The following TAS1R1 variants were observed in gnomAD, a reference collection of about 807,000 sequenced individuals.
TAS1R1 encodes the protein taste receptor type 1 member 1.
TAS1R1 carries 31 observed loss-of-function variants against 45.8 expected under a neutral mutation model. The observed-to-expected ratio is 0.68, with a 90% CI of 0.51 to 0.91. TAS1R1 has a LOEUF of 0.91. TAS1R1 is among the 40% of genes least tolerant of loss of function. The pLI is 0.00. For synonymous variants in TAS1R1, 437 were observed against 448.4 expected (o/e 0.97, Z 0.32); for missense variants, 1,051 against 1,063.9 (o/e 0.99, Z 0.17).
Position 6,576,566 on chromosome 1 carries a change from G to T in TAS1R1, c.1412G>T (p.Trp471Leu). 6.2e-7 allele frequency: 1 copy of T among 1,614,226 alleles called. No homozygotes were observed. The highest frequency in any genetic ancestry group is 1.3e-5 in the African/African-American group (1 of 75,058). ...WTFTVLGSST[W>L]SPVQLNINET... ...TTCACGGTCCTCGGTTCCTCCACATGGTCTCCAGTTCAGCTAAACATAAAT... is the reference window on the plus strand; with the variant it reads ...TTCACGGTCCTCGGTTCCTCCACATTGTCTCCAGTTCAGCTAAACATAAAT... The change falls in exon 4 of 6, where the codon TGG becomes TTG. Residue 471 changes from tryptophan (W) to leucine (L), a missense_variant. Coordinates refer to ENST00000333172, the MANE Select transcript of TAS1R1 (RefSeq NM_138697.4).
At chr1:6,561,235 G>A (rs1195379998) in intron 1 of TAS1R1, among the ~76,000 whole-genome samples, 2 of 152,220 alleles carry the variant, frequency 1.3e-5, no homozygotes, top group East Asian at 3.8e-4. Context: ...CTGGGGCCAG[G>A]AGTCTGAAAG....
rs567380715 is a variant in TAS1R1, at chr1:6,571,328, G to C, written c.498+113G>C. ...GCTGCCTGCCCCCTGGATCTCTTGGGTGGTCACTGCTCTTTAGTCACAAGT... is the reference window on the plus strand; with the variant it reads ...GCTGCCTGCCCCCTGGATCTCTTGGCTGGTCACTGCTCTTTAGTCACAAGT... On this transcript the variant is annotated intron_variant, in intron 2 of 5. Transcript: ENST00000333172. 1.0e-5 allele frequency: 12 copies of C among 1,174,300 alleles called. No individual in the cohort carries two copies. In the African/African-American group the frequency reaches 1.2e-4, roughly 12 times the overall value. 72.7% of individuals were successfully genotyped at this position (1,174,300 alleles called of 1,614,324 possible).
chr1:6,578,354 G>A (rs889203293), intron 5 of TAS1R1, among the ~76,000 whole-genome samples: 2 of 152,140 alleles, frequency 1.3e-5, no homozygotes, highest in African/African-American at 2.4e-5. Context: ...CCATCAGATC[G>A]TAACCTCTCT....
At position 6,566,445 on chromosome 1, in the gene TAS1R1, C is replaced by T. The variant is rs114600349; in HGVS notation, c.192-4464C>T. Among the ~76,000 whole-genome samples the T allele has an allele frequency of 2.6e-3, 388 of 152,030 alleles. 4 individuals carry two copies. The highest frequency in any genetic ancestry group is 9.2e-3 in the African/African-American group (381 of 41,434). On this transcript the variant is annotated intron_variant, in intron 1 of 5. Coordinates refer to ENST00000333172, the MANE Select transcript of TAS1R1 (RefSeq NM_138697.4). ...AATGGCTTGGAGGTCTTGAACGAGTCAATATGAGCCATCTGATTTTTTAAT... is the reference window on the plus strand; with the variant it reads ...AATGGCTTGGAGGTCTTGAACGAGTTAATATGAGCCATCTGATTTTTTAAT...
At position 6,575,028 on chromosome 1, in the gene TAS1R1, C is replaced by T; in HGVS notation, c.896C>T (p.Ala299Val). The stretch of plus-strand genomic sequence containing the variant: ...AACCTGACTGGCAAGGTGTGGGTCG[C>T]CTCAGAAGCCTGGGCCCTCTCCAGG... ...LTNLTGKVWV[A>V]SEAWALSRHI... is the part of the protein sequence containing the mutation. The change falls in exon 3 of 6, where the codon GCC becomes GTC. Residue 299 changes from alanine to valine, a missense_variant. By Grantham distance (64) the Ala-to-Val change is moderately conservative (BLOSUM62 0). Transcript: ENST00000333172. The T allele has an allele frequency of 6.3e-7, 1 of 1,585,944 alleles. No individual in the cohort carries two copies. Among genetic ancestry groups the T allele is most frequent in the Non-Finnish European group, 8.6e-7 (1 of 1,164,450 alleles).
rs917362941 is a variant in TAS1R1 at position 6,573,872 on chromosome 1, C to T, written c.499-759C>T. ...TAGAGACGGGGTTTCACCGTGTTAG[C>T]CAGGCTGGTCGCAAACTCCTAACCT... On this transcript the variant is annotated intron_variant, in intron 2 of 5. Coordinates refer to ENST00000333172, the MANE Select transcript of TAS1R1 (RefSeq NM_138697.4). Among the ~76,000 whole-genome samples the T allele has an allele frequency of 4.7e-4, 72 of 152,160 alleles. 1 individual carries two copies. Among genetic ancestry groups the T allele is most frequent in the Admixed American group, 1.8e-3 (27 of 15,266 alleles).
intron 5 of TAS1R1, among the ~76,000 whole-genome samples, chr1:6,578,273 A>G (rs1640240115): frequency 6.6e-6 from 1 of 152,210 alleles, no homozygotes; most frequent in Non-Finnish European, 1.5e-5. Flanking sequence ...GCAGCAGCTC[A>G]GGAAAGTGGT....
At position 6,571,099 on chromosome 1, in the gene TAS1R1, G is replaced by A; in HGVS notation, c.382G>A (p.Glu128Lys). 1 of 1,614,118 alleles carries A rather than the reference G, an allele frequency of 6.2e-7. No individual in the cohort carries two copies. The highest frequency in any genetic ancestry group is 8.5e-7 in the Non-Finnish European group (1 of 1,179,980). Residue 128 changes from glutamate to lysine, a missense_variant, in exon 2 of 6, where the codon GAG becomes AAG. Physicochemically the swap from Glu to Lys is moderately conservative, Grantham distance 56. Transcript: ENST00000333172. The part of the protein sequence containing the change: ...VLSLPGQHHI[E>K]LQGDLLHYSP... ...CTCCCTGCCAGGGCAACACCACATA[G>A]AGCTCCAAGGAGACCTTCTCCACTA...
rs560288110 is a variant in TAS1R1 at position 6,577,058 on chromosome 1, C to A, written c.1582C>A (p.Leu528Ile). 2 of 1,614,082 alleles carry A rather than the reference C, an allele frequency of 1.2e-6. No individual in the cohort carries two copies. Among genetic ancestry groups the A allele is most frequent in the South Asian group, 2.2e-5 (2 of 91,094 alleles). ...ECVPCGAGTF[L>I]NKSDLYRCQP... ...TGTGCCCTGTGGGGCTGGGACCTTCCTCAACAAGAGTGGTGAGTGGGCAAT... is the reference window on the plus strand; with the variant it reads ...TGTGCCCTGTGGGGCTGGGACCTTCATCAACAAGAGTGGTGAGTGGGCAAT... Residue 528 changes from leucine (L) to isoleucine (I), a missense_variant, in exon 5 of 6, where the codon CTC becomes ATC. Transcript: ENST00000333172.
intron 1 of TAS1R1, among the ~76,000 whole-genome samples, chr1:6,555,866 C>CTTTTTTTTTTTTTTTTTTTTTTTTT (rs770363613): frequency 1.0e-5 from 1 of 95,304 alleles, no homozygotes; most frequent in African/African-American, 3.6e-5. Context: ...TTTCCCTCTT[C>CTTTTTTTTTTTTTTTTTTTTTTTTT]TTTTTTTTTT....
intron 1 of TAS1R1, among the ~76,000 whole-genome samples, chr1:6,558,036 GTTT>G (rs779773064): frequency 1.2e-4 from 17 of 140,822 alleles, no homozygotes; most frequent in African/African-American, 4.8e-4. Flanking sequence ...GTAGTGGTTA[GTTT>G]TTGTTTTTGT....
At position 6,579,078 on chromosome 1, in the gene TAS1R1, G is replaced by T. The variant is rs750729837; in HGVS notation, c.2020G>T (p.Val674Phe). ...GGTACCTACATTCTACCACGCCTGG[G>T]TCCAAAACCACGGTGCTGGCCTGTT... ...TKVPTFYHAW[V>F]QNHGAGLFVM... Residue 674 changes from valine (V) to phenylalanine (F), a missense_variant, in exon 6 of 6, where the codon GTC becomes TTC. Val to Phe is a conservative substitution (Grantham distance 50). Transcript: ENST00000333172. 6.2e-7 allele frequency: 1 copy of T among 1,613,648 alleles called. No homozygotes were observed. The highest frequency in any genetic ancestry group is 1.3e-5 in the African/African-American group (1 of 74,964).
At chr1:6,568,913 A>T (rs1455094146) in intron 1 of TAS1R1, among the ~76,000 whole-genome samples, 1 of 152,214 alleles carries the variant, frequency 6.6e-6, no homozygotes, top group South Asian at 2.1e-4. Context: ...TATCGGGATC[A>T]GATGAGAAGG....
In TAS1R1 at chr1:6,570,955, C is replaced by T. The variant is rs199550568; in HGVS notation, c.238C>T (p.Arg80Trp). The change falls in exon 2 of 6, where the codon CGG becomes TGG. Residue 80 changes from arginine (R) to tryptophan (W), a missense_variant. Physicochemically the swap from Arg to Trp is moderately radical, Grantham distance 101 (BLOSUM62 -3). Coordinates refer to ENST00000333172, the MANE Select transcript of TAS1R1 (RefSeq NM_138697.4). ...EHGYHLFQAMRLGVEEINNST... is the reference protein window; with the variant it reads ...EHGYHLFQAMWLGVEEINNST... ...TGGCTACCACCTCTTCCAGGCTATG[C>T]GGCTTGGGGTTGAGGAGATAAACAA... 6.3e-5 allele frequency: 102 copies of T among 1,612,330 alleles called. 1 individual carries two copies. Among genetic ancestry groups the T allele is most frequent in the South Asian group, 2.2e-4 (20 of 90,690 alleles).
At chr1:6,573,439 A>G (rs1640072055) in intron 2 of TAS1R1, among the ~76,000 whole-genome samples, 1 of 152,084 alleles carries the variant, frequency 6.6e-6, no homozygotes, top group African/African-American at 2.4e-5. Flanking sequence ...CCTGGGCGAC[A>G]GAGCAAGACT....
At chr1:6,563,019 A>C (rs754082379) in intron 1 of TAS1R1, among the ~76,000 whole-genome samples, 2 of 152,154 alleles carry the variant, frequency 1.3e-5, no homozygotes, top group African/African-American at 2.4e-5. Context: ...GCCATTTGGA[A>C]GAGTAATTGA....
chr1:6,560,618 C>G (rs1639765802), intron 1 of TAS1R1, among the ~76,000 whole-genome samples: 1 of 152,146 alleles, frequency 6.6e-6, no homozygotes, highest in Non-Finnish European at 1.5e-5. Flanking sequence ...CGGGTTGGGT[C>G]CCTAACATTC....
rs867182312 is a variant in TAS1R1 at position 6,575,285 on chromosome 1, TC to T, written c.1154del (p.Ser385LeufsTer67). ...MPKLKAFSMS[S>X]AYNAYRAVYA... ...CAAGCTCAAAGCCTTCTCCATGAGTTCTGCCTACAACGCATACCGGGCTGTG... is the reference window on the plus strand; with the variant it reads ...CAAGCTCAAAGCCTTCTCCATGAGTTTGCCTACAACGCATACCGGGCTGTG... On this transcript the variant is annotated frameshift_variant, in exon 3 of 6. Coordinates refer to ENST00000333172, the MANE Select transcript of TAS1R1 (RefSeq NM_138697.4). LOFTEE classifies it high-confidence loss of function. 33 of 1,613,192 alleles carry T rather than the reference TC, an allele frequency of 2.0e-5. No individual in the cohort carries two copies. The highest frequency in any genetic ancestry group is 2.7e-5 in the Non-Finnish European group (32 of 1,180,034).
intron 1 of TAS1R1, among the ~76,000 whole-genome samples, chr1:6,567,023 G>C (rs1253227476): frequency 1.3e-5 from 2 of 152,326 alleles, no homozygotes; most frequent in East Asian, 1.9e-4. Flanking sequence ...GACTGGCAGA[G>C]AGGAGTAGGA....
Sources: allele counts gnomAD v4.1 joint callset (sites outside exome capture counted in the v4.1 genomes callset), GRCh38; gene constraint gnomAD v4.1.1; transcripts MANE v1.5; gene names NCBI Gene and HGNC (gene_info 2026-07-23, HGNC 2026-07-21).